The following DPEP3 variants were observed in gnomAD, a reference collection of about 807,000 sequenced individuals.
DPEP3 encodes the protein membrane-bound dipeptidase 3.
DPEP3 carries 42 observed loss-of-function variants against 47.5 expected under a neutral mutation model. That is an observed-to-expected ratio of 0.88 (90% CI 0.69 to 1.14). The LOEUF (loss-of-function observed/expected upper bound fraction) is 1.14, where lower values mean the gene tolerates loss of function less well. Among genes scored for constraint, DPEP3 ranks in the 50% most tolerant of loss-of-function variants. The pLI is 0.00. For synonymous variants in DPEP3, 276 were observed against 270.2 expected (o/e 1.02, Z -0.21); for missense variants, 560 against 635.0 (o/e 0.88, Z 1.27).
rs201962509 is a variant in DPEP3 at position 67,980,095 on chromosome 16, C to A, written c.286G>T (p.Gly96Cys). Residue 96 changes from glycine (G) to cysteine (C), a missense_variant and splice_region_variant, in exon 1 of 10, where the codon GGC (glycine) becomes TGC (cysteine). Transcript: ENST00000268793. Reference sequence around the variant, plus strand: ...TGCCCAAACGCTGCACCTACATACCCGTCCACGAGTGGGAAACTCCGCATC... The same window carrying A: ...TGCCCAAACGCTGCACCTACATACCAGTCCACGAGTGGGAAACTCCGCATC... ...ALMRSFPLVDGHNDLPQVLRQ... is the reference protein window; with the variant it reads ...ALMRSFPLVDCHNDLPQVLRQ... 8.0e-5 allele frequency: 128 copies of A among 1,608,878 alleles called. No individual in the cohort carries two copies. Among genetic ancestry groups the A allele is most frequent in the South Asian group, 4.8e-4 (43 of 90,326 alleles).
Position 67,977,951 on chromosome 16 carries a change from G to T in DPEP3, c.743C>A (p.Thr248Lys). 6.2e-7 allele frequency: 1 copy of T among 1,613,980 alleles called. No homozygotes were observed. Among genetic ancestry groups the T allele is most frequent in the Admixed American group, 1.7e-5 (1 of 60,012 alleles). ...AGGAGTCCTCACCTCACCAAAGCTT[G>T]TCAATCCGCTGACGTTGGTGTACAT... ...HHMYTNVSGL[T>K]SFGEKVVEEL... is the part of the protein sequence containing the mutation. Residue 248 changes from threonine to lysine, a missense_variant, in exon 5 of 10, where the codon ACA (threonine) becomes AAA (lysine). Transcript: ENST00000268793.
At chr16:67,979,113 T>C (rs2031266096) in intron 2 of DPEP3, among the ~76,000 whole-genome samples, 1 of 152,196 alleles carries the variant, frequency 6.6e-6, no homozygotes, top group African/African-American at 2.4e-5. Flanking sequence ...GAGACCAGCC[T>C]GGCCAACATG....
rs1276575814 is a variant in DPEP3, at chr16:67,975,834, G to A, written c.1398C>T (p.Ala466=). 4.3e-6 allele frequency: 7 copies of A among 1,613,842 alleles called. No individual in the cohort carries two copies. In the East Asian group the frequency reaches 1.6e-4, roughly 36 times the overall value. ...TNRVPWRSSN[A]SPYLVPGLVA... Reference sequence around the variant, plus strand: ...CAAGGCCTGGAACAAGGTATGGGGAGGCATTTGAGGACCTCCAGGGGACCC... The same window carrying A: ...CAAGGCCTGGAACAAGGTATGGGGAAGCATTTGAGGACCTCCAGGGGACCC... The change falls in exon 10 of 10, where the codon GCC becomes GCT. Residue 466 remains alanine, a synonymous_variant. Coordinates refer to ENST00000268793, the MANE Select transcript of DPEP3 (RefSeq NM_001370198.1).
chr16:67,977,238 C>T (rs1183436288), intron 7 of DPEP3, 32 bp downstream of exon 7: 1 of 1,606,706 alleles, frequency 6.2e-7, no homozygotes, highest in Admixed American at 1.7e-5. Context: ...ACAGCCCAAG[C>T]CAGCACTGCA....
chr16:67,977,140 G>T, intron 7 of DPEP3, 130 bp downstream of exon 7: 1 of 757,100 alleles, frequency 1.3e-6, no homozygotes. Flanking sequence ...GAAGAGCTGT[G>T]TCTGCTGCCT....
At position 67,977,730 on chromosome 16, in the gene DPEP3, C is replaced by A; in HGVS notation, c.856G>T (p.Val286Leu). ...RRVLEVSQAP[V>L]IFSHSAARAV... The stretch of plus-strand genomic sequence containing the variant: ...CTGGCAGCTGAGTGGGAGAAGATCA[C>A]AGGAGCCTGAGACACTTCCAGGACC... Residue 286 changes from valine (V) to leucine (L), a missense_variant, in exon 6 of 10, where the codon GTG (valine) becomes TTG (leucine). Physicochemically the swap from Val to Leu is conservative, Grantham distance 32 (BLOSUM62 1). Coordinates refer to ENST00000268793, the MANE Select transcript of DPEP3 (RefSeq NM_001370198.1). 1.2e-6 allele frequency: 2 copies of A among 1,613,426 alleles called. No homozygotes were observed. The highest frequency in any genetic ancestry group is 1.7e-6 in the Non-Finnish European group (2 of 1,179,598).
At chr16:67,979,791 A>ACACC in intron 1 of DPEP3, 26 bp from the exon 2 acceptor site, 1 of 1,612,856 alleles carries the variant, frequency 6.2e-7, no homozygotes, top group Non-Finnish European at 8.5e-7. Context: ...TCAGATGGAA[A>ACACC]CACCGCCTCC....
Position 67,978,159 on chromosome 16 carries a change from C to G in DPEP3, c.686+108G>C. 1 of 1,589,532 alleles carries G rather than the reference C, an allele frequency of 6.3e-7. No individual in the cohort carries two copies. Among genetic ancestry groups the G allele is most frequent in the South Asian group, 1.1e-5 (1 of 89,510 alleles). ...GTGAGGGACCCACTGGGTGTCCAGC[C>G]TCCCTCTGCGGACCCCTTCATCCTC... On this transcript the variant is annotated intron_variant, in intron 4 of 9. Transcript: ENST00000268793. This position sits in a 1 kb window ranked among gnomAD's most constrained non-coding sequence, Gnocchi z 4.4.
rs1302442936 is a variant in DPEP3, at chr16:67,980,344, T to A, written c.37A>T (p.Ser13Cys). Residue 13 changes from serine to cysteine, a missense_variant, in exon 1 of 10, where the codon AGC becomes TGC. Transcript: ENST00000268793. The part of the protein sequence containing the change: ...PTGREGSRAL[S>C]RRYLRRLLLL... ...AGCAGACGCCGCAGATACCGCCGGC[T>A]GAGCGCGCGGGAACCCTCGCGGCCC... 1.0e-5 allele frequency: 16 copies of A among 1,549,154 alleles called. No homozygotes were observed. The highest frequency in any genetic ancestry group is 1.4e-5 in the African/African-American group (1 of 72,942).
At position 67,979,767 on chromosome 16, in the gene DPEP3, TG is replaced by T. The variant is rs752047736; in HGVS notation, c.288-3del. ...AGGACCTGGGGCAGGTCATTGTGGC[TG>T]GGGGTGTGAAGGTCAGATGGAAACA... On this transcript the variant is annotated splice_polypyrimidine_tract_variant and splice_region_variant and intron_variant, in intron 1 of 9. Transcript: ENST00000268793. The T allele has an allele frequency of 4.8e-5, 77 of 1,613,642 alleles. No homozygotes were observed. The highest frequency in any genetic ancestry group is 5.9e-5 in the Non-Finnish European group (70 of 1,179,858).
chr16:67,976,030 T>G, intron 9 of DPEP3, 29 bp from the exon 10 acceptor site: 2 of 1,613,366 alleles, frequency 1.2e-6, no homozygotes, highest in Non-Finnish European at 1.7e-6. Context: ...AGTCAGAGGC[T>G]CCCACAGCAA....
rs1003346818 is a variant in DPEP3 at position 67,977,186 on chromosome 16, G to A, written c.1018+84C>T. The A allele has an allele frequency of 4.0e-6, 5 of 1,262,136 alleles. No individual in the cohort carries two copies. The African/African-American group carries it at 7.4e-5, about 19-fold the overall frequency. 78.2% of individuals were successfully genotyped at this position (1,262,136 alleles called of 1,614,324 possible). A position where few individuals can be genotyped will look rare whatever the true frequency, so the allele number is the denominator to read the frequency against. On this transcript the variant is annotated intron_variant, in intron 7 of 9. Transcript: ENST00000268793. ...GGGAGGTCTGCCCATTGCCCAACAG[G>A]TGCACTAGACTGCTAGAGTCGTCCT...
intron 6 of DPEP3, 127 bp from the exon 7 acceptor site, chr16:67,977,481 G>T: frequency 8.0e-7 from 1 of 1,251,402 alleles, no homozygotes; most frequent in Non-Finnish European, 1.1e-6. Flanking sequence ...TCACCTCTCT[G>T]CGTTTGTGGG....
chr16:67,976,937 C>T (rs1013442518), intron 7 of DPEP3, among the ~76,000 whole-genome samples, 162 bp from the exon 8 acceptor site: 1 of 152,206 alleles, frequency 6.6e-6, no homozygotes, highest in African/African-American at 2.4e-5. Context: ...TAGAGTGGAC[C>T]TTGGAGCCAC....
At chr16:67,977,092 T>A (rs756747306) in intron 7 of DPEP3, among the ~76,000 whole-genome samples, 178 bp downstream of exon 7, 1 of 152,100 alleles carries the variant, frequency 6.6e-6, no homozygotes, top group Non-Finnish European at 1.5e-5. Flanking sequence ...ATCAAACACA[T>A]CAGCACTGAC....
Position 67,978,148 on chromosome 16 carries a change from G to T in DPEP3, c.686+119C>A, listed in dbSNP as rs1015208158. 3.8e-6 allele frequency: 6 copies of T among 1,577,986 alleles called. No individual in the cohort carries two copies. The highest frequency in any genetic ancestry group is 5.2e-6 in the Non-Finnish European group (6 of 1,151,976). ...TTTCTGGGATTGTGAGGGACCCACT[G>T]GGTGTCCAGCCTCCCTCTGCGGACC... On this transcript the variant is annotated intron_variant, in intron 4 of 9. Coordinates refer to ENST00000268793, the MANE Select transcript of DPEP3 (RefSeq NM_001370198.1). This position sits in a 1 kb window ranked among gnomAD's most constrained non-coding sequence, Gnocchi z 4.4.
chr16:67,978,690 C>T lies in DPEP3; in HGVS notation c.415-64G>A. The T allele has an allele frequency of 6.3e-7, 1 of 1,592,296 alleles. No homozygotes were observed. Among genetic ancestry groups the T allele is most frequent in the East Asian group, 2.2e-5 (1 of 44,668 alleles). On this transcript the variant is annotated intron_variant, in intron 2 of 9. Coordinates refer to ENST00000268793, the MANE Select transcript of DPEP3 (RefSeq NM_001370198.1). This position sits in a 1 kb window ranked among gnomAD's most constrained non-coding sequence, Gnocchi z 4.4. Reference sequence around the variant, plus strand: ...GGTCTTCAACCCCCTAGGCCTGCCACTCCTGCCTCAGACCCCATAACACCC... The same window carrying T: ...GGTCTTCAACCCCCTAGGCCTGCCATTCCTGCCTCAGACCCCATAACACCC...
Position 67,980,387 on chromosome 16 carries a change from C to T in DPEP3, c.-7G>A. The T allele has an allele frequency of 6.6e-7, 1 of 1,515,338 alleles. No homozygotes were observed. Among genetic ancestry groups the T allele is most frequent in the Non-Finnish European group, 8.8e-7 (1 of 1,131,600 alleles). The allele number at this position is 1,515,338 out of a possible 1,614,324, so 93.9% of individuals were successfully genotyped here. On this transcript the variant is annotated 5_prime_UTR_variant, in exon 1 of 10. Transcript: ENST00000268793. ...CGCGGCCCGTGGGCTGCATGTTGCG[C>T]GGGGGTCGGCCGCGGGAGCCTGGGA...
At position 67,980,124 on chromosome 16, in the gene DPEP3, G is replaced by C; in HGVS notation, c.257C>G (p.Ala86Gly). The C allele has an allele frequency of 1.2e-6, 2 of 1,612,626 alleles. No individual in the cohort carries two copies. Among genetic ancestry groups the C allele is most frequent in the South Asian group, 2.2e-5 (2 of 90,874 alleles). The stretch of plus-strand genomic sequence containing the variant: ...CACGAGTGGGAAACTCCGCATCAGG[G>C]CCTGCGCGCGACCCCGAAGGTCCAG... ...KTLDLRGRAQ[A>G]LMRSFPLVDG... is the part of the protein sequence containing the mutation. Residue 86 changes from alanine to glycine, a missense_variant, in exon 1 of 10, where the codon GCC (alanine) becomes GGC (glycine). Coordinates refer to ENST00000268793, the MANE Select transcript of DPEP3 (RefSeq NM_001370198.1).
Sources: allele counts gnomAD v4.1 joint callset (sites outside exome capture counted in the v4.1 genomes callset), GRCh38; gene constraint gnomAD v4.1.1; non-coding constraint Gnocchi (gnomAD v3.1); transcripts MANE v1.5; gene names NCBI Gene and HGNC (gene_info 2026-07-23, HGNC 2026-07-21).